Variants in TBC1D4 observed in about 807,000 individuals in gnomAD.
The protein encoded by TBC1D4 is TBC (Tre-2, BUB2, CDC16) domain-containing protein.
In TBC1D4, 121 loss-of-function variants were observed where a neutral mutation model predicts 142.5. That is an observed-to-expected ratio of 0.85 (90% confidence interval 0.73 to 0.99). The LOEUF is 0.99. Ranked by LOEUF, TBC1D4 falls within the 50% of genes least tolerant of loss-of-function variation. The pLI is 0.00. For missense variants in TBC1D4, 1,475 were observed against 1,606.6 expected, an observed-to-expected ratio of 0.92 and a Z score of 1.40; for synonymous variants, 630 against 628.2, an observed-to-expected ratio of 1.00 and a Z score of -0.04.
At chr13:75,302,499 G>C in intron 15 of TBC1D4, 98 bp from the exon 16 acceptor site, 2 of 1,404,106 alleles carry the variant, frequency 1.4e-6, no homozygotes, top group Admixed American at 1.8e-5. Flanking sequence ...ACAGGCAGCT[G>C]TATGTACTGC....
chr13:75,334,316 A>G (rs1047523394), intron 8 of TBC1D4, among the ~76,000 whole-genome samples: 4 of 152,092 alleles, frequency 2.6e-5, no homozygotes, highest in Non-Finnish European at 5.9e-5. Flanking sequence ...CTAAAACACC[A>G]AGATGTTCTG....
At chr13:75,424,435 C>T (rs944301675) in intron 1 of TBC1D4, among the ~76,000 whole-genome samples, 55 of 151,954 alleles carry the variant, frequency 3.6e-4, no homozygotes, top group Admixed American at 2.6e-4. Context: ...AATGTTTCCA[C>T]TATCCAAAGT....
intron 1 of TBC1D4, among the ~76,000 whole-genome samples, chr13:75,451,017 G>A (rs1026587831): frequency 1.3e-5 from 2 of 152,120 alleles, no homozygotes; most frequent in East Asian, 1.9e-4. Context: ...CTTTTCAAGC[G>A]TCCTTCTATT....
intron 1 of TBC1D4, among the ~76,000 whole-genome samples, chr13:75,363,965 C>G (rs1463070389): frequency 6.6e-6 from 1 of 152,100 alleles, no homozygotes; most frequent in Non-Finnish European, 1.5e-5. Context: ...AACATGTGCC[C>G]AAGGTGGTTG....
At position 75,342,125 on chromosome 13, in the gene TBC1D4, A is replaced by G. The variant is rs146799728; in HGVS notation, c.1409-538T>C. On this transcript the variant is annotated intron_variant, in intron 5 of 20. Coordinates refer to ENST00000377636, the MANE Select transcript of TBC1D4 (RefSeq NM_014832.5). ...GGCAGGAGACTCACTTGAACATGGG[A>G]GGCAGAGGTTGCAGTGAGCCAAGAT... Among the ~76,000 whole-genome samples the G allele has an allele frequency of 2.8e-3, 432 of 152,330 alleles. 6 individuals carry two copies. The highest frequency in any genetic ancestry group is 9.8e-3 in the African/African-American group (406 of 41,582).
intron 11 of TBC1D4, among the ~76,000 whole-genome samples, chr13:75,321,716 T>C (rs1471203566): frequency 6.6e-6 from 1 of 151,844 alleles, no homozygotes; most frequent in Non-Finnish European, 1.5e-5. Context: ...ATAATTCATA[T>C]GTAGGTACAA....
At chr13:75,479,188 C>T (rs1888735197) in intron 1 of TBC1D4, among the ~76,000 whole-genome samples, 1 of 152,174 alleles carries the variant, frequency 6.6e-6, no homozygotes, top group African/African-American at 2.4e-5. Context: ...CGATTAATGG[C>T]TGGAGATGCT....
In TBC1D4 at chr13:75,312,878, C is replaced by T. The variant is rs199561684; in HGVS notation, c.2243G>A (p.Arg748Lys). ...SESSDGEGRK[R>K]TSSTCSNESL... ...CTCATTGCTGCAGGTAGATGAGGTCCTTTTTCTCCCTTCTCCATCACTGTT... is the reference window on the plus strand; with the variant it reads ...CTCATTGCTGCAGGTAGATGAGGTCTTTTTTCTCCCTTCTCCATCACTGTT... The change falls in exon 13 of 21, where the codon AGG becomes AAG. Residue 748 changes from arginine (R) to lysine (K), a missense_variant. By Grantham distance (26) the Arg-to-Lys change is conservative (BLOSUM62 2). Transcript: ENST00000377636. 6.2e-7 allele frequency: 1 copy of T among 1,614,174 alleles called. No individual in the cohort carries two copies. The highest frequency in any genetic ancestry group is 1.6e-4 in the Middle Eastern group (1 of 6,062).
intron 5 of TBC1D4, among the ~76,000 whole-genome samples, chr13:75,343,539 T>TG (rs1421340816): frequency 3.9e-5 from 6 of 152,282 alleles, no homozygotes; most frequent in African/African-American, 1.4e-4. Context: ...TTATTTGAGA[T>TG]GGAGTTTCGC....
At chr13:75,442,104 G>A (rs1293059991) in intron 1 of TBC1D4, among the ~76,000 whole-genome samples, 1 of 152,146 alleles carries the variant, frequency 6.6e-6, no homozygotes, top group African/African-American at 2.4e-5. Flanking sequence ...TACTATGTAT[G>A]TACTCTTTTT....
intron 1 of TBC1D4, chr13:75,375,774 C>G (rs1566440413): frequency 1.3e-5 from 1 of 75,002 alleles, no homozygotes; most frequent in East Asian, 2.4e-4. Flanking sequence ...CCACCCCCCC[C>G]ACACACACAC....
rs1888904524 is a variant in TBC1D4, at chr13:75,481,826, C to T, written c.-59G>A. On this transcript the variant is annotated 5_prime_UTR_variant, in exon 1 of 21. Transcript: ENST00000377636. The stretch of plus-strand genomic sequence containing the variant: ...GCCGGGCGCACCGCGCCCCCCACTC[C>T]CGCGCAGAAGGCGCCGCCGAAACTG... 7.0e-7 allele frequency: 1 copy of T among 1,426,074 alleles called. No homozygotes were observed. Among genetic ancestry groups the T allele is most frequent in the Non-Finnish European group, 9.1e-7 (1 of 1,099,478 alleles). 88.3% of individuals were successfully genotyped at this position (1,426,074 alleles called of 1,614,324 possible). A position where few individuals can be genotyped will look rare whatever the true frequency, so the allele number is the denominator to read the frequency against.
chr13:75,323,071 C>G (rs1045105616), intron 11 of TBC1D4, among the ~76,000 whole-genome samples: 1 of 152,060 alleles, frequency 6.6e-6, no homozygotes, highest in Non-Finnish European at 1.5e-5. Flanking sequence ...AGGAATAATT[C>G]AAGGATTAGT....
chr13:75,345,616 G>A (rs183769837), intron 5 of TBC1D4, among the ~76,000 whole-genome samples: 5 of 152,000 alleles, frequency 3.3e-5, no homozygotes, highest in African/African-American at 1.2e-4. Context: ...AAACTGGCCG[G>A]GCACAGTGGC....
At chr13:75,481,144 C>A in intron 1 of TBC1D4, 126 bp downstream of exon 1, 1 of 1,394,496 alleles carries the variant, frequency 7.2e-7, no homozygotes, top group Non-Finnish European at 9.5e-7. Flanking sequence ...GAGCGCGCCA[C>A]GTGGAGCGCG....
intron 4 of TBC1D4, among the ~76,000 whole-genome samples, chr13:75,351,893 T>C (rs1048312767): frequency 5.3e-5 from 8 of 152,222 alleles, no homozygotes; most frequent in East Asian, 1.9e-4. Flanking sequence ...TCTACTTCAA[T>C]GGCTAATTAA....
At chr13:75,460,866 T>G (rs369337757) in intron 1 of TBC1D4, among the ~76,000 whole-genome samples, 1 of 152,080 alleles carries the variant, frequency 6.6e-6, no homozygotes, top group South Asian at 2.1e-4. Flanking sequence ...AAGGCTGCAG[T>G]GAGCCAACTT....
chr13:75,370,606 A>G (rs1883171258), intron 1 of TBC1D4, among the ~76,000 whole-genome samples: 1 of 152,238 alleles, frequency 6.6e-6, no homozygotes, highest in Admixed American at 6.5e-5. Context: ...GGATGACATC[A>G]CGGTTTAGGG....
intron 1 of TBC1D4, among the ~76,000 whole-genome samples, chr13:75,431,553 T>C (rs556645169): frequency 6.6e-6 from 1 of 152,286 alleles, no homozygotes; most frequent in East Asian, 1.9e-4. Flanking sequence ...GTAACTCCAT[T>C]TTGGTTTGGT....
Sources: gnomAD v4.1 joint callset for allele counts (sites outside exome capture counted in the v4.1 genomes callset) on GRCh38, gnomAD v4.1.1 for gene constraint, MANE v1.5 for transcripts, NCBI Gene and HGNC (gene_info 2026-07-23, HGNC 2026-07-21) for gene names.